Variants in ZNF438 observed in about 807,000 individuals in gnomAD.
ZNF438 encodes zinc finger protein 438.
Under a neutral mutation model 38.0 loss-of-function variants are expected in ZNF438, and 25 were observed. The ratio of observed to expected loss-of-function variants is 0.66; its 90% CI spans 0.48 to 0.92. ZNF438 has a LOEUF of 0.92. Ranked by LOEUF, ZNF438 falls within the 40% of genes least tolerant of loss-of-function variation. The probability of loss-of-function intolerance (pLI) is 0.00; values close to 1 mark genes in which losing one functional copy is unlikely to be tolerated. For missense variants in ZNF438, 1,007 were observed against 999.6 expected, an observed-to-expected ratio of 1.01 and a Z score of -0.10; for synonymous variants, 372 against 364.1, an observed-to-expected ratio of 1.02 and a Z score of -0.25.
At chr10:31,025,307 G>A (rs2056870601) in intron 1 of ZNF438, among the ~76,000 whole-genome samples, 1 of 152,174 alleles carries the variant, frequency 6.6e-6, no homozygotes, top group Admixed American at 6.5e-5. Flanking sequence ...TACATTGTGG[G>A]ACATTCAGTG....
chr10:30,911,653 G>A (rs2043089444), intron 2 of ZNF438, among the ~76,000 whole-genome samples: 1 of 152,024 alleles, frequency 6.6e-6, no homozygotes, highest in Non-Finnish European at 1.5e-5. Context: ...GAAACTCACT[G>A]CCCAGATTAT....
intron 4 of ZNF438, among the ~76,000 whole-genome samples, chr10:30,868,187 A>G (rs979954157): frequency 4.6e-5 from 7 of 151,818 alleles, no homozygotes; most frequent in African/African-American, 1.7e-4. Flanking sequence ...CTTTTGCCTC[A>G]GCCTCCCAAG....
At chr10:30,979,698 C>T (rs2051881018) in intron 1 of ZNF438, among the ~76,000 whole-genome samples, 1 of 152,142 alleles carries the variant, frequency 6.6e-6, no homozygotes, top group Non-Finnish European at 1.5e-5. Flanking sequence ...AATTTTCTGT[C>T]TCATTGATCT....
intron 1 of ZNF438, among the ~76,000 whole-genome samples, chr10:30,963,637 G>A (rs2049787295): frequency 6.6e-6 from 1 of 152,108 alleles, no homozygotes; most frequent in African/African-American, 2.4e-5. Context: ...ACTTTGGGAG[G>A]CCAAGGCGAG....
At chr10:31,005,486 T>C (rs2055041969) in intron 1 of ZNF438, among the ~76,000 whole-genome samples, 1 of 151,834 alleles carries the variant, frequency 6.6e-6, no homozygotes, top group Admixed American at 6.6e-5. Context: ...GAGAACAAAA[T>C]GATGGTAAAC....
intron 1 of ZNF438, among the ~76,000 whole-genome samples, chr10:30,981,869 C>T (rs2052198053): frequency 6.8e-6 from 1 of 147,222 alleles, no homozygotes; most frequent in Non-Finnish European, 1.5e-5. Flanking sequence ...CAGAGCGAGA[C>T]TCCATCTCAA....
At chr10:30,845,976 T>G (rs1300859648) in intron 5 of ZNF438, among the ~76,000 whole-genome samples, 1 of 152,236 alleles carries the variant, frequency 6.6e-6, no homozygotes, top group Non-Finnish European at 1.5e-5. Context: ...TCCCTAACCT[T>G]GAGCACCAAT....
intron 3 of ZNF438, among the ~76,000 whole-genome samples, chr10:30,879,741 A>C (rs2133753065): frequency 6.6e-6 from 1 of 152,338 alleles, no homozygotes; most frequent in East Asian, 1.9e-4. Context: ...GCAAATCTGA[A>C]GGCACAGCTA....
At chr10:30,930,623 C>T (rs1418688696) in intron 2 of ZNF438, among the ~76,000 whole-genome samples, 1 of 150,720 alleles carries the variant, frequency 6.6e-6, no homozygotes, top group East Asian at 2.0e-4. Flanking sequence ...CATGGTGAAA[C>T]CCCATCTCTA....
chr10:30,867,960 T>C (rs966324601), intron 4 of ZNF438, among the ~76,000 whole-genome samples: 2 of 152,210 alleles, frequency 1.3e-5, no homozygotes, highest in African/African-American at 2.4e-5. Context: ...TTATGGAGTA[T>C]AAGTTATATT....
chr10:30,962,692 A>C (rs1185894326), intron 1 of ZNF438, among the ~76,000 whole-genome samples: 1 of 147,566 alleles, frequency 6.8e-6, no homozygotes, highest in South Asian at 2.2e-4. Context: ...CAGTGTGAGA[A>C]GCAAGTTGGA....
chr10:30,987,850 ATTG>A (rs2136632204), intron 1 of ZNF438, among the ~76,000 whole-genome samples: 1 of 152,300 alleles, frequency 6.6e-6, no homozygotes, highest in Non-Finnish European at 1.5e-5. Context: ...GGAGAAATGA[ATTG>A]TTGTTTAAGC....
chr10:30,956,229 TA>T, intron 1 of ZNF438, among the ~76,000 whole-genome samples: 1 of 152,166 alleles, frequency 6.6e-6, no homozygotes, highest in Admixed American at 6.5e-5. Context: ...AAACACAACA[TA>T]AAAAATACCA....
intron 3 of ZNF438, among the ~76,000 whole-genome samples, chr10:30,899,038 A>G (rs1206783032): frequency 6.6e-6 from 1 of 152,180 alleles, no homozygotes; most frequent in Non-Finnish European, 1.5e-5. Flanking sequence ...CCGTTATTCT[A>G]TCTTTTCTTT....
At position 30,897,331 on chromosome 10, in the gene ZNF438, T is replaced by C. The variant is rs79976483; in HGVS notation, c.-32+11602A>G. On this transcript the variant is annotated intron_variant, in intron 3 of 5. Transcript: ENST00000413025. ...CTGAAGATTGGATCTGGTTAACTTC[T>C]TTCTATATTCCCCCCAATACTATCA... Among the ~76,000 whole-genome samples the C allele has an allele frequency of 5.9e-3, 903 of 152,330 alleles. 8 individuals are homozygous for C. The highest frequency in any genetic ancestry group is 0.021 in the African/African-American group (869 of 41,582).
At chr10:30,847,949 G>C (rs2032645184) in intron 5 of ZNF438, among the ~76,000 whole-genome samples, 1 of 152,224 alleles carries the variant, frequency 6.6e-6, no homozygotes, top group Non-Finnish European at 1.5e-5. Flanking sequence ...GTTCCAAGTG[G>C]GTGGAACGAG....
chr10:30,964,308 A>C (rs767784194), intron 1 of ZNF438, among the ~76,000 whole-genome samples: 1 of 152,042 alleles, frequency 6.6e-6, no homozygotes, highest in Non-Finnish European at 1.5e-5. Flanking sequence ...ATCTTTGATC[A>C]CTCTCTAATT....
At chr10:30,886,795 C>T (rs1050031569) in intron 3 of ZNF438, among the ~76,000 whole-genome samples, 1 of 152,138 alleles carries the variant, frequency 6.6e-6, no homozygotes, top group African/African-American at 2.4e-5. Context: ...TGGTCCATTT[C>T]ATTAACTTTT....
intron 2 of ZNF438, among the ~76,000 whole-genome samples, chr10:30,917,528 T>G (rs545076035): frequency 3.3e-5 from 5 of 152,292 alleles, no homozygotes; most frequent in Non-Finnish European, 5.9e-5. Context: ...CATTCTCATT[T>G]TAACCTGCAT....
Sources: gnomAD v4.1 joint callset for allele counts (sites outside exome capture counted in the v4.1 genomes callset) on GRCh38, gnomAD v4.1.1 for gene constraint, MANE v1.5 for transcripts, NCBI Gene and HGNC (gene_info 2026-07-23, HGNC 2026-07-21) for gene names.